The following LOC400499 variants were observed in gnomAD, a reference collection of about 807,000 sequenced individuals.
chr16:11,452,276 A>C, the LOC400499 span, among the ~76,000 whole-genome samples: 1 of 147,808 alleles, frequency 6.8e-6, no homozygotes, highest in African/African-American at 2.5e-5. Flanking sequence ...CTGGGCCAAG[A>C]GTCATGCGCC....
chr16:11,399,752 A>C, the LOC400499 span: 1 of 398,906 alleles, frequency 2.5e-6, no homozygotes, highest in Non-Finnish European at 4.4e-6. Flanking sequence ...CTGTGTGCTA[A>C]GGACCCGTCA....
At chr16:11,390,130 G>C in the LOC400499 span, 29 of 1,232,194 alleles carry the variant, frequency 2.4e-5, no homozygotes, top group Middle Eastern at 1.9e-3. Flanking sequence ...TACAGGTCCA[G>C]CAGTGGTTTG....
the LOC400499 span, among the ~76,000 whole-genome samples, chr16:11,454,094 T>C: frequency 6.6e-6 from 1 of 152,186 alleles, no homozygotes; most frequent in Admixed American, 6.5e-5. Context: ...TAAAAGCTTC[T>C]AAGACAGTGA....
the LOC400499 span, chr16:11,469,712 C>T: frequency 2.5e-6 from 1 of 398,908 alleles, no homozygotes; most frequent in Admixed American, 4.4e-5. Flanking sequence ...CCACCTGTAC[C>T]CTTCAGACAC....
the LOC400499 span, among the ~76,000 whole-genome samples, chr16:11,490,782 G>T: frequency 6.6e-6 from 1 of 152,186 alleles, no homozygotes; most frequent in East Asian, 1.9e-4. Context: ...AAGGAGATAC[G>T]TGTGTATGTT....
the LOC400499 span, among the ~76,000 whole-genome samples, chr16:11,489,407 T>C: frequency 3.3e-5 from 5 of 152,174 alleles, no homozygotes; most frequent in Non-Finnish European, 4.4e-5. Flanking sequence ...CTAAAAAGAC[T>C]AAGCACATTT....
the LOC400499 span, among the ~76,000 whole-genome samples, chr16:11,441,395 A>G: frequency 6.6e-6 from 1 of 152,188 alleles, no homozygotes; most frequent in African/African-American, 2.4e-5. Flanking sequence ...AGGTCCTGGC[A>G]TGTAGTAGGT....
the LOC400499 span, chr16:11,414,332 C>G: frequency 2.5e-6 from 1 of 399,288 alleles, no homozygotes. Context: ...CTGCTCCATC[C>G]ACTCCTTACC....
At chr16:11,462,922 C>A in the LOC400499 span, among the ~76,000 whole-genome samples, 1 of 152,168 alleles carries the variant, frequency 6.6e-6, no homozygotes, top group African/African-American at 2.4e-5. Context: ...GCTGGAGCCC[C>A]GGTCATCGGC....
At chr16:11,407,604 C>T in the LOC400499 span, among the ~76,000 whole-genome samples, 2 of 152,216 alleles carry the variant, frequency 1.3e-5, no homozygotes, top group Admixed American at 1.3e-4. Context: ...ATCTACCAGC[C>T]TGGCACCAGC....
the LOC400499 span, chr16:11,411,410 G>A: frequency 2.5e-6 from 1 of 398,484 alleles, no homozygotes; most frequent in Non-Finnish European, 4.4e-6. Context: ...AGACCAAGGG[G>A]ACTTCCCCGA....
At chr16:11,419,632 G>A in the LOC400499 span, among the ~76,000 whole-genome samples, 41 of 152,154 alleles carry the variant, frequency 2.7e-4, no homozygotes, top group African/African-American at 6.5e-4. Flanking sequence ...GCTTCTGCAC[G>A]GCAAAAGAAA....
chr16:11,401,956 G>C, the LOC400499 span: 3 of 398,838 alleles, frequency 7.5e-6, no homozygotes, highest in Non-Finnish European at 1.3e-5. Flanking sequence ...CTCAGGCAGG[G>C]GAGGGCCCCA....
chr16:11,426,311 C>T, the LOC400499 span, among the ~76,000 whole-genome samples: 1 of 152,136 alleles, frequency 6.6e-6, no homozygotes, highest in Non-Finnish European at 1.5e-5. Flanking sequence ...TGGCGCATGC[C>T]TGTCATCCCA....
the LOC400499 span, among the ~76,000 whole-genome samples, chr16:11,444,843 G>C: frequency 6.6e-6 from 1 of 152,064 alleles, no homozygotes; most frequent in Non-Finnish European, 1.5e-5. Context: ...GCATTCTGGA[G>C]GCCAAGATGG....
chr16:11,487,087 G>A, the LOC400499 span, among the ~76,000 whole-genome samples: 3 of 152,024 alleles, frequency 2.0e-5, no homozygotes, highest in African/African-American at 7.3e-5. Context: ...AGGCATGTAG[G>A]TGAATTGATA....
At chr16:11,443,264 CA>C in the LOC400499 span, 1 of 303,622 alleles carries the variant, frequency 3.3e-6, no homozygotes, top group Non-Finnish European at 6.1e-6. Flanking sequence ...GCAGAGGTTG[CA>C]ATGAGCCGAC....
At chr16:11,404,313 C>T in the LOC400499 span, among the ~76,000 whole-genome samples, 1 of 152,104 alleles carries the variant, frequency 6.6e-6, no homozygotes, top group Non-Finnish European at 1.5e-5. Flanking sequence ...CCTGATGGAC[C>T]CCTGGTGCCT....
At chr16:11,490,001 G>C in the LOC400499 span, among the ~76,000 whole-genome samples, 12 of 152,176 alleles carry the variant, frequency 7.9e-5, no homozygotes, top group Non-Finnish European at 1.3e-4. Flanking sequence ...GGTAAAATGG[G>C]TTATAGTACA....
Sources: allele counts gnomAD v4.1 joint callset (sites outside exome capture counted in the v4.1 genomes callset), GRCh38; gene constraint gnomAD v4.1.1; transcripts MANE v1.5.